Variants in PCDH15 observed in about 807,000 individuals in gnomAD.
PCDH15 encodes protocadherin related 15.
PCDH15 carries 129 observed loss-of-function variants against 178.5 expected under a neutral mutation model. That is an observed-to-expected ratio of 0.72 (90% CI 0.63 to 0.84). The LOEUF (loss-of-function observed/expected upper bound fraction) is 0.84. Ranked by LOEUF, PCDH15 falls within the 40% of genes least tolerant of loss-of-function variation. The probability of loss-of-function intolerance (pLI) is 0.00; values close to 1 mark genes in which losing one functional copy is unlikely to be tolerated. For synonymous variants in PCDH15, 800 were observed against 732.0 expected (o/e 1.09, Z -1.50); for missense variants, 2,230 against 2,099.9 (o/e 1.06, Z -1.21).
intron 3 of PCDH15, among the ~76,000 whole-genome samples, chr10:54,809,568 A>G (rs1409777803): frequency 6.6e-6 from 1 of 152,166 alleles, no homozygotes; most frequent in Admixed American, 6.5e-5. Flanking sequence ...TATACATTGT[A>G]TTATTATCTC....
chr10:55,054,496 A>T (rs894518982), intron 2 of PCDH15, among the ~76,000 whole-genome samples: 4 of 152,066 alleles, frequency 2.6e-5, no homozygotes, highest in Non-Finnish European at 4.4e-5. Flanking sequence ...ATACATTTTC[A>T]TGTTTCTTTA....
At chr10:54,361,338 T>C (rs1203452088) in intron 5 of PCDH15, among the ~76,000 whole-genome samples, 1 of 151,990 alleles carries the variant, frequency 6.6e-6, no homozygotes. Flanking sequence ...ATGGTGAAAA[T>C]AGGTGTATTT....
chr10:55,507,862 T>A (rs1310095993), intron 2 of PCDH15, among the ~76,000 whole-genome samples: 1 of 151,608 alleles, frequency 6.6e-6, no homozygotes, highest in Admixed American at 6.6e-5. Flanking sequence ...CCATGATCAA[T>A]TTAAGAGATC....
intron 2 of PCDH15, among the ~76,000 whole-genome samples, chr10:55,410,969 A>G (rs1195265128): frequency 6.6e-6 from 1 of 152,160 alleles, no homozygotes; most frequent in East Asian, 1.9e-4. Context: ...TACTGAAAAA[A>G]AATCCAAGCA....
intron 2 of PCDH15, among the ~76,000 whole-genome samples, chr10:54,637,118 C>G (rs1015972861): frequency 7.6e-6 from 1 of 132,388 alleles, no homozygotes; most frequent in Non-Finnish European, 1.6e-5. Context: ...AACTAAGAAT[C>G]AATCTTCAAA....
chr10:54,530,107 T>C (rs1265026780), intron 2 of PCDH15, among the ~76,000 whole-genome samples: 1 of 152,130 alleles, frequency 6.6e-6, no homozygotes, highest in African/African-American at 2.4e-5. Context: ...TTACAGTTTG[T>C]TACTATTAAG....
chr10:53,922,169 C>A (rs537798191), intron 25 of PCDH15, among the ~76,000 whole-genome samples: 80 of 152,162 alleles, frequency 5.3e-4, no homozygotes, highest in African/African-American at 1.9e-3. Flanking sequence ...AACCTACAAT[C>A]CCTGGTAATA....
At chr10:54,268,738 TAATTA>T (rs2057858829) in intron 8 of PCDH15, among the ~76,000 whole-genome samples, 1 of 151,876 alleles carries the variant, frequency 6.6e-6, no homozygotes, top group South Asian at 2.1e-4. Context: ...AGAACACCAC[TAATTA>T]TAGTACTGTA....
intron 3 of PCDH15, among the ~76,000 whole-genome samples, chr10:54,846,319 C>CTAT (rs1397384468): frequency 6.6e-6 from 1 of 152,164 alleles, no homozygotes; most frequent in Non-Finnish European, 1.5e-5. Context: ...TTTAGGTCAA[C>CTAT]TATTAAACAC....
intron 2 of PCDH15, among the ~76,000 whole-genome samples, chr10:55,506,904 T>G (rs1840771280): frequency 6.6e-6 from 1 of 151,544 alleles, no homozygotes. Context: ...TGGCTACAAT[T>G]TTCTGAAAGC....
chr10:54,117,432 G>T (rs2095135100), intron 15 of PCDH15, among the ~76,000 whole-genome samples: 1 of 152,100 alleles, frequency 6.6e-6, no homozygotes, highest in Admixed American at 6.5e-5. Context: ...TTAGATCTGG[G>T]TTCCATAAAG....
chr10:54,776,008 T>C (rs1330474008), intron 1 of PCDH15, among the ~76,000 whole-genome samples: 1 of 152,214 alleles, frequency 6.6e-6, no homozygotes, highest in African/African-American at 2.4e-5. Flanking sequence ...TTTTAGCTTC[T>C]GCATATGAGT....
intron 3 of PCDH15, among the ~76,000 whole-genome samples, chr10:54,397,487 G>C (rs1332770606): frequency 6.6e-6 from 1 of 152,056 alleles, no homozygotes; most frequent in East Asian, 1.9e-4. Flanking sequence ...CAATAGCCTT[G>C]AATAAAGTCT....
At chr10:54,450,528 T>G (rs527840570) in intron 3 of PCDH15, among the ~76,000 whole-genome samples, 1 of 151,820 alleles carries the variant, frequency 6.6e-6, no homozygotes. Context: ...TAATAAAATT[T>G]CTAAAGCAGG....
intron 3 of PCDH15, among the ~76,000 whole-genome samples, chr10:54,515,941 C>T (rs940849459): frequency 2.3e-4 from 35 of 152,240 alleles, no homozygotes; most frequent in Non-Finnish European, 1.2e-4. Context: ...AGGGTCCTAA[C>T]TGTTAGAAGG....
intron 3 of PCDH15, among the ~76,000 whole-genome samples, chr10:54,389,446 A>G (rs1950279961): frequency 6.6e-6 from 1 of 152,234 alleles, no homozygotes; most frequent in Non-Finnish European, 1.5e-5. Context: ...GTAGGAGGGT[A>G]GAGCCGTCTA....
chr10:54,018,282 CAAAATA>C (rs1029511003), intron 20 of PCDH15, among the ~76,000 whole-genome samples: 4 of 151,632 alleles, frequency 2.6e-5, no homozygotes, highest in East Asian at 3.9e-4. Context: ...GGCCACTAAA[CAAAATA>C]AAAATAAAAA....
At chr10:54,653,984 G>A (rs1185833617) in intron 2 of PCDH15, among the ~76,000 whole-genome samples, 6 of 152,084 alleles carry the variant, frequency 3.9e-5, no homozygotes, top group African/African-American at 1.4e-4. Flanking sequence ...TCATTTTATG[G>A]TGAAAACATT....
chr10:55,116,947 A>G (rs552710705), intron 2 of PCDH15, among the ~76,000 whole-genome samples: 34 of 152,326 alleles, frequency 2.2e-4, no homozygotes, highest in African/African-American at 7.9e-4. Context: ...AGGCCTTGCT[A>G]AATGCCACCT....
Sources: allele counts gnomAD v4.1 joint callset (sites outside exome capture counted in the v4.1 genomes callset), GRCh38; gene constraint gnomAD v4.1.1; transcripts MANE v1.5; gene names NCBI Gene and HGNC (gene_info 2026-07-23, HGNC 2026-07-21).